ITGA9: variants seen among roughly 807,000 people sequenced by gnomAD.
The protein encoded by ITGA9 is integrin subunit alpha 9.
In ITGA9, 56 loss-of-function variants were observed where a neutral mutation model predicts 127.8. The ratio of observed to expected loss-of-function variants is 0.44; its 90% CI spans 0.35 to 0.55. The LOEUF (loss-of-function observed/expected upper bound fraction) is 0.55. ITGA9 is among the 20% of genes least tolerant of loss of function. ITGA9 has a pLI of 0.00. For missense variants in ITGA9, 1,196 were observed against 1,347.1 expected, an observed-to-expected ratio of 0.89 and a Z score of 1.76; for synonymous variants, 508 against 514.5, an observed-to-expected ratio of 0.99 and a Z score of 0.17.
intron 18 of ITGA9, among the ~76,000 whole-genome samples, chr3:37,716,101 C>T (rs1004544002): frequency 3.9e-5 from 6 of 152,214 alleles, no homozygotes; most frequent in African/African-American, 1.4e-4. Context: ...GACAAAAGAG[C>T]ATGGCTGAGG....
At chr3:37,744,334 A>G (rs1410060563) in intron 22 of ITGA9, among the ~76,000 whole-genome samples, 1 of 152,056 alleles carries the variant, frequency 6.6e-6, no homozygotes, top group East Asian at 1.9e-4. Flanking sequence ...AGCCCAGATG[A>G]CCCCATGAGG....
At chr3:37,626,713 C>T (rs1329490424) in intron 15 of ITGA9, among the ~76,000 whole-genome samples, 5 of 152,084 alleles carry the variant, frequency 3.3e-5, no homozygotes, top group Non-Finnish European at 7.4e-5. Flanking sequence ...AATCTGCCAG[C>T]TCAGGTATTG....
At chr3:37,625,996 AC>A (rs533264429) in intron 15 of ITGA9, among the ~76,000 whole-genome samples, 73 of 152,218 alleles carry the variant, frequency 4.8e-4, no homozygotes, top group African/African-American at 1.7e-3. Flanking sequence ...CAGCATTCGC[AC>A]CCCTACATGT....
chr3:37,707,494 G>C (rs1455510887), intron 18 of ITGA9, among the ~76,000 whole-genome samples: 2 of 152,096 alleles, frequency 1.3e-5, no homozygotes, highest in Non-Finnish European at 2.9e-5. Flanking sequence ...AAATAAAATT[G>C]ATGGCCATTT....
chr3:37,460,424 T>A (rs746319492), intron 1 of ITGA9, among the ~76,000 whole-genome samples: 18 of 152,186 alleles, frequency 1.2e-4, no homozygotes, highest in Admixed American at 2.6e-4. Context: ...TGATTGTAGT[T>A]TAAAAATAAC....
intron 3 of ITGA9, among the ~76,000 whole-genome samples, chr3:37,480,785 T>G (rs1698544642): frequency 6.6e-6 from 1 of 152,154 alleles, no homozygotes; most frequent in Non-Finnish European, 1.5e-5. Flanking sequence ...GCCACCCCCG[T>G]CGCCCATCTC....
chr3:37,774,789 C>A (rs1696887096), intron 23 of ITGA9, among the ~76,000 whole-genome samples: 1 of 152,018 alleles, frequency 6.6e-6, no homozygotes, highest in South Asian at 2.1e-4. Flanking sequence ...GACAGTAAGT[C>A]CCAAACTGTG....
At chr3:37,736,813 C>A in intron 19 of ITGA9, 91 bp from the exon 20 acceptor site, 1 of 853,206 alleles carries the variant, frequency 1.2e-6, no homozygotes, top group East Asian at 2.4e-5. Context: ...TGCAAATGAG[C>A]TTCCAGAGGT....
chr3:37,600,197 C>T (rs1048433305), intron 15 of ITGA9, among the ~76,000 whole-genome samples: 1 of 152,098 alleles, frequency 6.6e-6, no homozygotes, highest in Admixed American at 6.5e-5. Context: ...AAAAAATAAG[C>T]ACTTATTGTA....
intron 18 of ITGA9, among the ~76,000 whole-genome samples, chr3:37,729,118 AC>A (rs1319652462): frequency 6.6e-6 from 1 of 151,980 alleles, no homozygotes; most frequent in Non-Finnish European, 1.5e-5. Flanking sequence ...TGAGTGGAGC[AC>A]CACCAGCATC....
At chr3:37,737,659 T>C (rs1696379460) in intron 20 of ITGA9, among the ~76,000 whole-genome samples, 1 of 152,158 alleles carries the variant, frequency 6.6e-6, no homozygotes, top group Non-Finnish European at 1.5e-5. Context: ...AGCACTTGGC[T>C]GGCAGCTCCA....
Position 37,819,267 on chromosome 3 carries a change from ACC to A in ITGA9, c.*280_*281del. On this transcript the variant is annotated 3_prime_UTR_variant, in exon 28 of 28. Transcript: ENST00000264741. Reference sequence around the variant, plus strand: ...TTTATGGATGCAACACGCATGGTCAACCCTCAGGGGAAAACTGTTACCTAAAG... The same window carrying A: ...TTTATGGATGCAACACGCATGGTCAACTCAGGGGAAAACTGTTACCTAAAG... 1 of 510,170 alleles carries A rather than the reference ACC, an allele frequency of 2.0e-6. No homozygotes were observed. The highest frequency in any genetic ancestry group is 3.5e-6 in the Non-Finnish European group (1 of 284,108). 31.6% of individuals were successfully genotyped at this position (510,170 alleles called of 1,614,324 possible).
intron 3 of ITGA9, among the ~76,000 whole-genome samples, chr3:37,479,271 AT>A (rs1698526909): frequency 6.6e-6 from 1 of 152,234 alleles, no homozygotes; most frequent in Admixed American, 6.5e-5. Flanking sequence ...ATTTCAGTCT[AT>A]TTAGAAACCT....
At chr3:37,774,351 A>G (rs1228864441) in intron 23 of ITGA9, among the ~76,000 whole-genome samples, 1 of 152,132 alleles carries the variant, frequency 6.6e-6, no homozygotes, top group Admixed American at 6.5e-5. Flanking sequence ...CCTGATGTTG[A>G]TTGAGATCAT....
chr3:37,554,175 AAAG>A (rs1325234628), intron 15 of ITGA9, among the ~76,000 whole-genome samples: 1 of 152,144 alleles, frequency 6.6e-6, no homozygotes, highest in African/African-American at 2.4e-5. Context: ...CTATGGAAAA[AAAG>A]AAAGAAAATA....
chr3:37,748,250 C>A, intron 22 of ITGA9: 1 of 490,478 alleles, frequency 2.0e-6, no homozygotes, highest in South Asian at 1.7e-5. Flanking sequence ...GGAATGGGTA[C>A]TGTTCAAAAA....
At chr3:37,507,835 G>T (rs1479374623) in intron 7 of ITGA9, among the ~76,000 whole-genome samples, 2 of 152,094 alleles carry the variant, frequency 1.3e-5, no homozygotes, top group East Asian at 1.9e-4. Context: ...TCATGGGAAG[G>T]TTATTTACAC....
chr3:37,512,120 C>CCTTCCTTCTTTTCTTTTCTTTTCTTTTCT (rs1698929069), intron 8 of ITGA9, among the ~76,000 whole-genome samples: 1 of 39,450 alleles, frequency 2.5e-5, no homozygotes, highest in Non-Finnish European at 4.7e-5. Flanking sequence ...TTCCTTCCTT[C>CCTTCCTTCTTTTCTTTTCTTTTCTTTTCT]TTTCTTTTCT....
chr3:37,608,320 T>C (rs1225097453), intron 15 of ITGA9, among the ~76,000 whole-genome samples: 9 of 152,186 alleles, frequency 5.9e-5, no homozygotes. Context: ...TAAACACACA[T>C]GAATACTATT....
Sources: allele counts gnomAD v4.1 joint callset (sites outside exome capture counted in the v4.1 genomes callset), GRCh38; gene constraint gnomAD v4.1.1; transcripts MANE v1.5; gene names NCBI Gene and HGNC (gene_info 2026-07-23, HGNC 2026-07-21).